Variants in MAF observed in about 807,000 individuals in gnomAD.
MAF encodes MAF bZIP transcription factor, also known as transcription factor Maf.
Under a neutral mutation model 22.0 loss-of-function variants are expected in MAF, and 10 were observed. The ratio of observed to expected loss-of-function variants is 0.45; its 90% confidence interval spans 0.28 to 0.77. The LOEUF is 0.77. Among genes scored for constraint, MAF ranks in the 30% least tolerant of loss-of-function variants. The pLI is 0.12. For synonymous variants in MAF, 337 were observed against 255.8 expected (o/e 1.32, Z -3.03); for missense variants, 544 against 548.4 (o/e 0.99, Z 0.08).
At chr16:79,497,916 A>C in the MAF span, among the ~76,000 whole-genome samples, 2 of 152,142 alleles carry the variant, frequency 1.3e-5, no homozygotes, top group African/African-American at 4.8e-5. Context: ...CCAGTCTTCT[A>C]GCATAACCTC....
At chr16:79,572,538 G>C in the MAF span, among the ~76,000 whole-genome samples, 1 of 152,312 alleles carries the variant, frequency 6.6e-6, no homozygotes, top group East Asian at 1.9e-4. Flanking sequence ...ATCAGGAGGA[G>C]GGGCTACCTG....
the MAF span, among the ~76,000 whole-genome samples, chr16:79,223,443 A>G: frequency 1.3e-5 from 2 of 152,238 alleles, no homozygotes; most frequent in African/African-American, 4.8e-5. Flanking sequence ...TAACATCACA[A>G]TTAAAAGAAC....
the MAF span, among the ~76,000 whole-genome samples, chr16:79,484,911 G>A: frequency 6.6e-6 from 1 of 152,218 alleles, no homozygotes; most frequent in Non-Finnish European, 1.5e-5. Flanking sequence ...CAGCTGAACA[G>A]GATTTAGAAC....
the MAF span, among the ~76,000 whole-genome samples, chr16:79,265,337 G>T: frequency 3.3e-5 from 5 of 152,078 alleles, no homozygotes; most frequent in Non-Finnish European, 7.4e-5. Context: ...TTCTCTTAGT[G>T]TTTTCACTTG....
the MAF span, chr16:79,212,899 T>C: frequency 3.1e-5 from 4 of 127,244 alleles, no homozygotes; most frequent in African/African-American, 1.2e-4. Context: ...GCCAGCATAT[T>C]TTCTGTTAAA....
chr16:79,321,959 C>T, the MAF span, among the ~76,000 whole-genome samples: 9 of 151,690 alleles, frequency 5.9e-5, no homozygotes, highest in African/African-American at 1.5e-4. Context: ...GGACCTGGCA[C>T]GGTGGCTCAC....
At chr16:79,457,682 T>C in the MAF span, among the ~76,000 whole-genome samples, 2 of 152,132 alleles carry the variant, frequency 1.3e-5, no homozygotes, top group Non-Finnish European at 2.9e-5. Flanking sequence ...GGAAGACATG[T>C]TACAGAATCA....
chr16:79,552,174 C>A, the MAF span, among the ~76,000 whole-genome samples: 16 of 152,032 alleles, frequency 1.1e-4, no homozygotes, highest in Non-Finnish European at 2.1e-4. Flanking sequence ...GGAAGATGAT[C>A]CTGCTGCCTT....
the MAF span, among the ~76,000 whole-genome samples, chr16:79,557,630 G>C: frequency 1.3e-5 from 2 of 152,172 alleles, no homozygotes; most frequent in South Asian, 4.1e-4. Context: ...CCAACCCTCA[G>C]AGTGTTGCAA....
the MAF span, chr16:79,212,010 A>G: frequency 3.3e-6 from 5 of 1,536,282 alleles, no homozygotes; most frequent in Non-Finnish European, 4.4e-6. Context: ...TGGGCTAGGC[A>G]TAGGTCTCTT....
chr16:79,211,485 C>G, the MAF span: 28 of 1,285,826 alleles, frequency 2.2e-5, no homozygotes, highest in African/African-American at 2.9e-5. Context: ...CTTTGCTATG[C>G]CAAGATCCAG....
the MAF span, among the ~76,000 whole-genome samples, chr16:79,284,872 G>A: frequency 1.3e-5 from 2 of 152,116 alleles, no homozygotes; most frequent in Non-Finnish European, 2.9e-5. Flanking sequence ...ACAGAACTCT[G>A]GGTCCAGCCA....
chr16:79,410,381 C>A, the MAF span, among the ~76,000 whole-genome samples: 4 of 152,202 alleles, frequency 2.6e-5, no homozygotes, highest in South Asian at 8.3e-4. Context: ...AGCCACATGC[C>A]ATTAGTGGCC....
At chr16:79,238,471 A>G in the MAF span, among the ~76,000 whole-genome samples, 4 of 152,062 alleles carry the variant, frequency 2.6e-5, no homozygotes, top group African/African-American at 9.7e-5. Context: ...AGAAAGTGGA[A>G]TCTGGGCTAT....
At chr16:79,284,587 A>G in the MAF span, among the ~76,000 whole-genome samples, 1 of 152,250 alleles carries the variant, frequency 6.6e-6, no homozygotes, top group African/African-American at 2.4e-5. Context: ...GACCATCATC[A>G]TAATAATCCC....
chr16:79,207,877 C>T, the MAF span, among the ~76,000 whole-genome samples: 9 of 151,958 alleles, frequency 5.9e-5, no homozygotes, highest in Non-Finnish European at 1.2e-4. Context: ...TCTGTGCTGA[C>T]AACTATAAAT....
the MAF span, among the ~76,000 whole-genome samples, chr16:79,427,108 C>T: frequency 2.0e-5 from 3 of 152,296 alleles, no homozygotes; most frequent in Admixed American, 6.5e-5. Flanking sequence ...GAGGACCACA[C>T]GTGATAATGA....
At chr16:79,212,975 C>T in the MAF span, 1 of 152,190 alleles carries the variant, frequency 6.6e-6, no homozygotes, top group Non-Finnish European at 1.5e-5. Flanking sequence ...TACTTACTTA[C>T]AGTGAGTTAT....
chr16:79,426,192 C>G, the MAF span, among the ~76,000 whole-genome samples: 1 of 143,972 alleles, frequency 6.9e-6, no homozygotes, highest in African/African-American at 2.6e-5. Flanking sequence ...GGCGAGAGAG[C>G]GAGAGTCCAT....
Sources: allele counts gnomAD v4.1 joint callset (sites outside exome capture counted in the v4.1 genomes callset), GRCh38; gene constraint gnomAD v4.1.1; transcripts MANE v1.5; gene names NCBI Gene and HGNC (gene_info 2026-07-23, HGNC 2026-07-21).